The following DHX58 variants were observed in gnomAD, a reference collection of about 807,000 sequenced individuals.
DHX58 encodes DExH-box helicase 58.
A neutral mutation model predicts 65.0 loss-of-function variants in DHX58; 51 were observed. The observed-to-expected ratio is 0.78, with a 90% CI of 0.63 to 0.99. The LOEUF is 0.99. Ranked by LOEUF, DHX58 falls within the 50% of genes least tolerant of loss-of-function variation. The pLI, the probability that DHX58 is intolerant of heterozygous loss-of-function variation, is 0.00. For synonymous variants in DHX58, 350 were observed against 365.0 expected (o/e 0.96, Z 0.47); for missense variants, 773 against 891.8 (o/e 0.87, Z 1.70).
At position 42,107,796 on chromosome 17, in the gene DHX58, C is replaced by A. The variant is rs1555663116; in HGVS notation, c.806-1G>T. The A allele has an allele frequency of 3.2e-6, 5 of 1,570,446 alleles. No homozygotes were observed. The highest frequency in any genetic ancestry group is 4.3e-6 in the Non-Finnish European group (5 of 1,156,884). ...TGCTCCTGAAGCCCAGCCAAAGCCG[C>A]TGCGGGAAGAGGGCGCAGGGTCTGA... On this transcript the variant is annotated splice_acceptor_variant, in intron 7 of 13. Transcript: ENST00000251642. LOFTEE classifies it high-confidence loss of function.
chr17:42,111,622 G>C, intron 3 of DHX58, 103 bp downstream of exon 3: 1 of 1,568,318 alleles, frequency 6.4e-7, no homozygotes, highest in Non-Finnish European at 8.7e-7. Flanking sequence ...TGAGCTTAGC[G>C]ATGGCCACAG....
rs78026875 is a variant in DHX58 at position 42,110,960 on chromosome 17, T to G, written c.371-47A>C. 6,574 of 1,532,180 alleles carry G rather than the reference T, an allele frequency of 4.3e-3. 243 individuals carry two copies. The African/African-American group carries it at 0.079, about 18-fold the overall frequency. 94.9% of individuals were successfully genotyped at this position (1,532,180 alleles called of 1,614,324 possible). A position where few individuals can be genotyped will look rare whatever the true frequency, so the allele number is the denominator to read the frequency against. ...CTGTGACCTATGTTTGCAAAGCCCT[T>G]CCTCCCATCAGCTTTCAAGTAGTCC... On this transcript the variant is annotated intron_variant, in intron 4 of 13. Transcript: ENST00000251642.
At chr17:42,111,640 G>T in intron 3 of DHX58, 85 bp downstream of exon 3, 1 of 1,569,130 alleles carries the variant, frequency 6.4e-7, no homozygotes, top group Non-Finnish European at 8.7e-7. Context: ...CAGCAGCTTT[G>T]GAGTTCTGGT....
At chr17:42,109,629 C>T (rs782563246) in intron 5 of DHX58, among the ~76,000 whole-genome samples, 1 of 152,234 alleles carries the variant, frequency 6.6e-6, no homozygotes, top group Non-Finnish European at 1.5e-5. Context: ...GGCATGGTGG[C>T]TCACACCTGT....
Position 42,102,278 on chromosome 17 carries a change from T to C in DHX58, c.1789A>G (p.Ile597Val). 6.2e-7 allele frequency: 1 copy of C among 1,614,178 alleles called. No individual in the cohort carries two copies. Among genetic ancestry groups the C allele is most frequent in the Non-Finnish European group, 8.5e-7 (1 of 1,179,998 alleles). ...YYNVSRDPVV[I>V]NKVFKDWKPG... Reference sequence around the variant, plus strand: ...TTCCAGTCCTTGAAGACTTTGTTGATGACCACAGGATCCCTGGAGACATTA... The same window carrying C: ...TTCCAGTCCTTGAAGACTTTGTTGACGACCACAGGATCCCTGGAGACATTA... The change falls in exon 13 of 14, where the codon ATC becomes GTC. Residue 597 changes from isoleucine to valine, a missense_variant. Ile to Val is a conservative substitution (Grantham distance 29). Transcript: ENST00000251642.
intron 5 of DHX58, among the ~76,000 whole-genome samples, chr17:42,110,023 T>G (rs1555663741): frequency 2.0e-5 from 3 of 150,956 alleles, no homozygotes; most frequent in African/African-American, 7.3e-5. Context: ...CCGTCTCTAC[T>G]AAAAATACAA....
rs1260582363 is a variant in DHX58, at chr17:42,112,057, G to C, written c.-2+56C>G. 9.8e-5 allele frequency: 83 copies of C among 844,224 alleles called. 1 individual carries two copies. The highest frequency in any genetic ancestry group is 8.9e-4 in the South Asian group (44 of 49,388). The allele number at this position is 844,224 out of a possible 1,614,324, so 52.3% of individuals were successfully genotyped here. A position where few individuals can be genotyped will look rare whatever the true frequency, so the allele number is the denominator to read the frequency against. Reference sequence around the variant, plus strand: ...CATCAGGACCCTGCTCTGCCCAAAAGGGGGAGGCGGGAGTAACACAGGCTA... The same window carrying C: ...CATCAGGACCCTGCTCTGCCCAAAACGGGGAGGCGGGAGTAACACAGGCTA... On this transcript the variant is annotated intron_variant, in intron 2 of 13. Coordinates refer to ENST00000251642, the MANE Select transcript of DHX58 (RefSeq NM_024119.3).
intron 11 of DHX58, among the ~76,000 whole-genome samples, chr17:42,104,212 A>G (rs1395499130): frequency 6.6e-6 from 1 of 152,002 alleles, no homozygotes; most frequent in Admixed American, 6.5e-5. Flanking sequence ...TCTCGGGGAA[A>G]AAAAAAAAAA....
At chr17:42,107,826 C>T (rs1432409246) in intron 7 of DHX58, 31 bp from the exon 8 acceptor site, 2 of 1,541,264 alleles carry the variant, frequency 1.3e-6, no homozygotes, top group African/African-American at 2.7e-5. Context: ...GTCTGAGCAG[C>T]CCACAGCCCC....
At chr17:42,102,191 C>A (rs1555661668) in intron 13 of DHX58, 25 bp downstream of exon 13, 3 of 1,612,414 alleles carry the variant, frequency 1.9e-6, no homozygotes, top group Middle Eastern at 1.7e-4. Context: ...GACTCTGGGG[C>A]CTGGGACGTG....
intron 12 of DHX58, 197 bp downstream of exon 12, chr17:42,103,411 C>A: frequency 1.5e-6 from 1 of 659,420 alleles, no homozygotes; most frequent in Admixed American, 3.2e-5. Context: ...GGAACTTGGG[C>A]AAGTCACATA....
At chr17:42,111,248 G>C in intron 4 of DHX58, 48 bp downstream of exon 4, 1 of 1,584,660 alleles carries the variant, frequency 6.3e-7, no homozygotes, top group Non-Finnish European at 8.6e-7. Context: ...GTTGGCGAAA[G>C]GAGGTACCCC....
intron 4 of DHX58, 143 bp from the exon 5 acceptor site, chr17:42,111,056 G>A: frequency 9.2e-7 from 1 of 1,088,156 alleles, no homozygotes; most frequent in Non-Finnish European, 1.3e-6. Flanking sequence ...AGCCAGGCAG[G>A]GAAGACTTCT....
intron 8 of DHX58, among the ~76,000 whole-genome samples, 197 bp from the exon 9 acceptor site, chr17:42,106,186 A>C (rs71373485): frequency 6.6e-6 from 1 of 150,998 alleles, no homozygotes; most frequent in Non-Finnish European, 1.5e-5. Flanking sequence ...GCAAGAAAGC[A>C]AGAGAAAGAG....
intron 8 of DHX58, 68 bp downstream of exon 8, chr17:42,107,536 G>T: frequency 6.8e-7 from 1 of 1,460,506 alleles, no homozygotes; most frequent in Admixed American, 2.5e-5. Context: ...TGGCGCCTGT[G>T]CCCTGGCCTC....
intron 12 of DHX58, chr17:42,102,785 G>C (rs1439370026): frequency 6.6e-6 from 1 of 152,058 alleles, no homozygotes; most frequent in Non-Finnish European, 1.5e-5. Context: ...CTTCCACTCA[G>C]GTCAACTGGT....
rs1598221939 is a variant in DHX58 at position 42,111,051 on chromosome 17, G to A, written c.371-138C>T. 29 of 1,111,594 alleles carry A rather than the reference G, an allele frequency of 2.6e-5. No homozygotes were observed. In the South Asian group the frequency reaches 4.5e-4, roughly 17 times the overall value. The allele number at this position is 1,111,594 out of a possible 1,614,324, so 68.9% of individuals were successfully genotyped here. On this transcript the variant is annotated intron_variant, in intron 4 of 13. Coordinates refer to ENST00000251642, the MANE Select transcript of DHX58 (RefSeq NM_024119.3). Reference sequence around the variant, plus strand: ...CAGCTGGTCCCAGGATGAGGAGCCAGGCAGGGAAGACTTCTTTCCATTTCA... The same window carrying A: ...CAGCTGGTCCCAGGATGAGGAGCCAAGCAGGGAAGACTTCTTTCCATTTCA...
rs2054010896 is a variant in DHX58, at chr17:42,103,648, C to A, written c.1714G>T (p.Val572Leu). 6.2e-7 allele frequency: 1 copy of A among 1,614,048 alleles called. No homozygotes were observed. The highest frequency in any genetic ancestry group is 8.5e-7 in the Non-Finnish European group (1 of 1,180,036). Residue 572 changes from valine (V) to leucine (L), a missense_variant, in exon 12 of 14, where the codon GTG (valine) becomes TTG (leucine). Val to Leu is a conservative substitution (Grantham distance 32). Transcript: ENST00000251642. Reference protein sequence around the residue: ...AVGHGSDLRKVEGTHHVNVNP... With the variant: ...AVGHGSDLRKLEGTHHVNVNP... ...ACATTGACATGGTGGGTGCCCTCCA[C>A]CTTCCGCAGGTCGCTGCCATGGCCC... is the stretch of plus-strand genomic sequence containing the variant.
In DHX58 at chr17:42,101,549, A is replaced by T; in HGVS notation, c.*212T>A. 1 of 531,048 alleles carries T rather than the reference A, an allele frequency of 1.9e-6. No homozygotes were observed. Among genetic ancestry groups the T allele is most frequent in the Non-Finnish European group, 3.3e-6 (1 of 307,090 alleles). 32.9% of individuals were successfully genotyped at this position (531,048 alleles called of 1,614,324 possible). Reference sequence around the variant, plus strand: ...CCTAACTCCATCCAGTGCATATGAAAATGTCTATGTGCGTACAAGGTAGGT... The same window carrying T: ...CCTAACTCCATCCAGTGCATATGAATATGTCTATGTGCGTACAAGGTAGGT... On this transcript the variant is annotated 3_prime_UTR_variant, in exon 14 of 14. Coordinates refer to ENST00000251642, the MANE Select transcript of DHX58 (RefSeq NM_024119.3).
Sources: allele counts gnomAD v4.1 joint callset (sites outside exome capture counted in the v4.1 genomes callset), GRCh38; gene constraint gnomAD v4.1.1; transcripts MANE v1.5; gene names NCBI Gene and HGNC (gene_info 2026-07-23, HGNC 2026-07-21).